The following TASP1 variants were observed in gnomAD, a reference collection of about 807,000 sequenced individuals.
The protein encoded by TASP1 is taspase 1, also known as threonine aspartase 1.
Under a neutral mutation model 56.6 loss-of-function variants are expected in TASP1, and 16 were observed. The ratio of observed to expected loss-of-function variants is 0.28; its 90% CI spans 0.19 to 0.43. The LOEUF (loss-of-function observed/expected upper bound fraction) is 0.43. Ranked by LOEUF, TASP1 falls within the 20% of genes least tolerant of loss-of-function variation. The pLI is 1.00. For synonymous variants in TASP1, 179 were observed against 184.2 expected, an observed-to-expected ratio of 0.97 and a Z score of 0.23; for missense variants, 393 against 511.6, an observed-to-expected ratio of 0.77 and a Z score of 2.24.
At chr20:13,358,567 C>A in the TASP1 span, among the ~76,000 whole-genome samples, 1 of 152,194 alleles carries the variant, frequency 6.6e-6, no homozygotes, top group East Asian at 1.9e-4. Context: ...TCTCCCTTCT[C>A]TTAATTTCAA....
chr20:13,216,836 C>A, the TASP1 span, among the ~76,000 whole-genome samples: 1 of 152,124 alleles, frequency 6.6e-6, no homozygotes, highest in South Asian at 2.1e-4. Context: ...ATCCAGCCAG[C>A]AGACAGGGGT....
At chr20:13,184,079 G>A in the TASP1 span, among the ~76,000 whole-genome samples, 1 of 151,628 alleles carries the variant, frequency 6.6e-6, no homozygotes, top group Non-Finnish European at 1.5e-5. Flanking sequence ...TGGTAGTGTG[G>A]TACTGTATAA....
the TASP1 span, among the ~76,000 whole-genome samples, chr20:13,371,451 T>A: frequency 6.8e-6 from 1 of 147,728 alleles, no homozygotes; most frequent in East Asian, 2.0e-4. Context: ...AATTTACACA[T>A]GTTCGTGAAT....
intron 8 of TASP1, among the ~76,000 whole-genome samples, chr20:13,553,076 C>G (rs1436084913): frequency 6.6e-6 from 1 of 152,108 alleles, no homozygotes; most frequent in African/African-American, 2.4e-5. Flanking sequence ...ACGGGGACTA[C>G]AGGTGCATGC....
the TASP1 span, among the ~76,000 whole-genome samples, chr20:13,245,834 T>A: frequency 2.6e-5 from 4 of 152,244 alleles, no homozygotes; most frequent in African/African-American, 9.6e-5. Context: ...ACTCCATATC[T>A]GGAACTGACC....
the TASP1 span, among the ~76,000 whole-genome samples, chr20:13,284,735 G>A: frequency 6.6e-6 from 1 of 152,166 alleles, no homozygotes; most frequent in Non-Finnish European, 1.5e-5. Context: ...CTTCCTAGGA[G>A]GCAGTTTCAC....
chr20:13,250,516 G>A, the TASP1 span, among the ~76,000 whole-genome samples: 42,063 of 152,064 alleles, frequency 0.28, 6,155 homozygotes, highest in African/African-American at 0.39. Context: ...AAGCATGCCA[G>A]GCAGCTTCCA....
In TASP1 at chr20:13,483,280, T is replaced by A. The variant is rs752521510; in HGVS notation, c.932A>T (p.Gln311Leu). Residue 311 changes from glutamine to leucine, a missense_variant, in exon 11 of 14, where the codon CAA becomes CTA. Physicochemically the swap from Gln to Leu is moderately radical, Grantham distance 113. Transcript: ENST00000337743. ...CAGGGCTTGGTGAGCATCCTCAGCT[T>A]GTAAAGCATGTGAACATTCTCTAGC... ...ILARECSHALQAEDAHQALLE... is the reference protein window; with the variant it reads ...ILARECSHALLAEDAHQALLE... 6.2e-7 allele frequency: 1 copy of A among 1,604,500 alleles called. No individual in the cohort carries two copies. Among genetic ancestry groups the A allele is most frequent in the Non-Finnish European group, 8.5e-7 (1 of 1,175,146 alleles).
intron 13 of TASP1, among the ~76,000 whole-genome samples, chr20:13,410,367 C>T (rs2042056219): frequency 6.6e-6 from 1 of 152,170 alleles, no homozygotes; most frequent in African/African-American, 2.4e-5. Flanking sequence ...GGTTGGATTG[C>T]ATGGTAGTCC....
At chr20:13,609,296 C>T (rs1440919098) in intron 4 of TASP1, among the ~76,000 whole-genome samples, 1 of 152,154 alleles carries the variant, frequency 6.6e-6, no homozygotes, top group Non-Finnish European at 1.5e-5. Flanking sequence ...ATAGTAAGTG[C>T]TAACAAAGAT....
the TASP1 span, among the ~76,000 whole-genome samples, chr20:13,231,628 C>A: frequency 6.6e-6 from 1 of 152,194 alleles, no homozygotes. Flanking sequence ...AGGTTAACTA[C>A]CCCTTCTTCC....
chr20:13,129,029 AC>A, the TASP1 span, among the ~76,000 whole-genome samples: 1 of 151,820 alleles, frequency 6.6e-6, no homozygotes, highest in Non-Finnish European at 1.5e-5. Flanking sequence ...GGTGTCCCCC[AC>A]CATGCCTGGC....
the TASP1 span, among the ~76,000 whole-genome samples, chr20:13,236,664 A>G: frequency 1.3e-5 from 2 of 152,220 alleles, no homozygotes; most frequent in East Asian, 1.9e-4. Flanking sequence ...CCTAGATACA[A>G]TGGGGGTACA....
At chr20:13,476,557 AT>A (rs1343412969) in intron 11 of TASP1, among the ~76,000 whole-genome samples, 4 of 151,942 alleles carry the variant, frequency 2.6e-5, no homozygotes, top group Admixed American at 2.6e-4. Context: ...TTTACTGTGC[AT>A]TTGTTTTTTT....
chr20:13,365,292 T>C, the TASP1 span, among the ~76,000 whole-genome samples: 2 of 152,164 alleles, frequency 1.3e-5, no homozygotes, highest in Non-Finnish European at 2.9e-5. Flanking sequence ...ATCCTAGACA[T>C]TAGGAATTGA....
chr20:13,193,524 T>A, the TASP1 span, among the ~76,000 whole-genome samples: 7 of 152,340 alleles, frequency 4.6e-5, no homozygotes, highest in Admixed American at 4.6e-4. Context: ...CTCTAGATAT[T>A]CAAAGAGTTG....
chr20:13,317,515 C>T, the TASP1 span, among the ~76,000 whole-genome samples: 10 of 151,934 alleles, frequency 6.6e-5, no homozygotes, highest in Admixed American at 2.6e-4. Context: ...CAAAGGTAAA[C>T]GACTCATACT....
intron 5 of TASP1, among the ~76,000 whole-genome samples, chr20:13,583,945 G>A (rs10439586): frequency 0.028 from 4,317 of 152,186 alleles, 215 homozygotes; most frequent in African/African-American, 0.096. Flanking sequence ...CAGGCGTGGT[G>A]GCACACACCT....
chr20:13,221,716 G>A, the TASP1 span: 1 of 1,319,808 alleles, frequency 7.6e-7, no homozygotes, highest in East Asian at 3.3e-5. Flanking sequence ...CTCCTCCCCC[G>A]GCGTCACCGC....
Sources: gnomAD v4.1 joint callset for allele counts (sites outside exome capture counted in the v4.1 genomes callset) on GRCh38, gnomAD v4.1.1 for gene constraint, MANE v1.5 for transcripts, NCBI Gene and HGNC (gene_info 2026-07-23, HGNC 2026-07-21) for gene names.